The following ZBTB45 variants were observed in gnomAD, a reference collection of about 807,000 sequenced individuals.
ZBTB45 encodes zinc finger and BTB domain-containing protein 45.
In ZBTB45, 22 loss-of-function variants were observed where a neutral mutation model predicts 28.4. That is an observed-to-expected ratio of 0.77 (90% CI 0.55 to 1.10). The LOEUF is 1.10. Among genes scored for constraint, ZBTB45 ranks in the 50% least tolerant of loss-of-function variants. The probability of loss-of-function intolerance (pLI) is 0.00; values close to 1 mark genes in which losing one functional copy is unlikely to be tolerated. For synonymous variants in ZBTB45, 361 were observed against 332.3 expected (o/e 1.09, Z -0.94); for missense variants, 656 against 750.2 (o/e 0.87, Z 1.47).
intron 1 of ZBTB45, among the ~76,000 whole-genome samples, chr19:58,535,130 C>T (rs1239757115): frequency 2.6e-5 from 4 of 151,856 alleles, no homozygotes; most frequent in African/African-American, 9.7e-5. Flanking sequence ...CTTGGCCTCC[C>T]AAAGTGTTGG....
At chr19:58,524,633 C>T (rs12972400), upstream of ZBTB45, among the ~76,000 whole-genome samples, 4,997 of 151,992 alleles carry the variant, frequency 0.033, 114 homozygotes, top group Non-Finnish European at 0.051. Flanking sequence ...CCTGTAATCC[C>T]AGCACTTTGG....
chr19:58,521,432 T>C (rs1469127726), upstream of ZBTB45, among the ~76,000 whole-genome samples: 2 of 150,736 alleles, frequency 1.3e-5, no homozygotes, highest in East Asian at 3.9e-4. Context: ...TGCGTGGAGC[T>C]AGATTCCGCC....
Position 58,516,357 on chromosome 19 carries a change from T to G in ZBTB45, c.1279+38A>C. 1.9e-6 allele frequency: 3 copies of G among 1,610,066 alleles called. No homozygotes were observed. The highest frequency in any genetic ancestry group is 1.7e-6 in the Non-Finnish European group (2 of 1,176,770). On this transcript the variant is annotated intron_variant, in intron 2 of 2. Coordinates refer to ENST00000594051, the MANE Select transcript of ZBTB45 (RefSeq NM_001316979.2). The surrounding 1 kb of genome is among the most constrained non-coding windows in gnomAD (Gnocchi z 6.2). ...TTCCCCCTCAGGTTTAACTCTCCGATGAGAGATTGCTCCCTCTCCTCCCCC... is the reference window on the plus strand; with the variant it reads ...TTCCCCCTCAGGTTTAACTCTCCGAGGAGAGATTGCTCCCTCTCCTCCCCC...
In ZBTB45 at chr19:58,516,664, C is replaced by G. The variant is rs750821878; in HGVS notation, c.1010G>C (p.Gly337Ala). 6.4e-7 allele frequency: 1 copy of G among 1,564,942 alleles called. No individual in the cohort carries two copies. The highest frequency in any genetic ancestry group is 8.7e-7 in the Non-Finnish European group (1 of 1,154,624). ...GGGTGGTGCGGGTGGCCCAGGGGCA[C>G]CCAAGTGAAAGGGGAAGAGTGCAAC... ...PPVALFPFHL[G>A]APGPPAPPPS... Residue 337 changes from glycine to alanine, a missense_variant, in exon 2 of 3, where the codon GGT becomes GCT. This residue lies in a region of ZBTB45 where 448 missense variants were observed against 444.3 expected (regional missense o/e 1.01). Transcript: ENST00000594051. This position sits in a 1 kb window ranked among gnomAD's most constrained non-coding sequence, Gnocchi z 6.2.
At chr19:58,521,382 A>G (rs1401942801), upstream of ZBTB45, among the ~76,000 whole-genome samples, 3 of 128,360 alleles carry the variant, frequency 2.3e-5, no homozygotes, top group Non-Finnish European at 4.9e-5. Context: ...AAAAAAAAAA[A>G]AAGAAAGAAA....
intron 1 of ZBTB45, among the ~76,000 whole-genome samples, chr19:58,525,217 C>G (rs2053601501): frequency 6.6e-6 from 1 of 152,180 alleles, no homozygotes; most frequent in Non-Finnish European, 1.5e-5. Context: ...CAGTCATACT[C>G]AAGTCCTTGT....
At chr19:58,525,034 G>T (rs531118254) in intron 1 of ZBTB45, among the ~76,000 whole-genome samples, 59 of 152,310 alleles carry the variant, frequency 3.9e-4, no homozygotes, top group African/African-American at 1.3e-3. Flanking sequence ...GGCCTCCTCA[G>T]CTGGCTAAGG....
upstream of ZBTB45, among the ~76,000 whole-genome samples, chr19:58,522,015 G>A (rs991362446): frequency 6.6e-6 from 1 of 151,958 alleles, no homozygotes; most frequent in Non-Finnish European, 1.5e-5. Context: ...GTACCAGGTG[G>A]GAAACCTCAT....
rs560957575 is a variant in ZBTB45 at position 58,517,488 on chromosome 19, C to T, written c.186G>A (p.Leu62=). The change falls in exon 2 of 3, where the codon CTG becomes CTA. Residue 62 remains leucine (L), a synonymous_variant. Coordinates refer to ENST00000594051, the MANE Select transcript of ZBTB45 (RefSeq NM_001316979.2). ...CACGGATCTCAGAGTGGCCGAGCAGCAGCTTGTCTTGGAAGAAGGGTGAGC... is the reference window on the plus strand; with the variant it reads ...CACGGATCTCAGAGTGGCCGAGCAGTAGCTTGTCTTGGAAGAAGGGTGAGC... The part of the protein sequence containing the change: ...AAGSPFFQDK[L]LLGHSEIRVP... The T allele has an allele frequency of 3.6e-5, 58 of 1,613,326 alleles. No individual in the cohort carries two copies. In the South Asian group the frequency reaches 4.5e-4, roughly 13 times the overall value.
upstream of ZBTB45, among the ~76,000 whole-genome samples, chr19:58,521,051 C>CAAAAAAAAAAA (rs71190053): frequency 5.8e-4 from 16 of 27,822 alleles, 1 homozygote; most frequent in African/African-American, 3.1e-3. Flanking sequence ...GACTCCGTCT[C>CAAAAAAAAAAA]AAAAAAAAAA....
Position 58,518,290 on chromosome 19 carries a change from C to G in ZBTB45, c.1-617G>C, listed in dbSNP as rs181478430. ...ACCTTAACTAGTATATACAGAGGCT[C>G]TCGCAGGAGTGGGGTGGCATGACCT... is the stretch of plus-strand genomic sequence containing the variant. On this transcript the variant is annotated intron_variant, in intron 1 of 2. Coordinates refer to ENST00000594051, the MANE Select transcript of ZBTB45 (RefSeq NM_001316979.2). Among the ~76,000 whole-genome samples the G allele has an allele frequency of 6.7e-3, 1,024 of 152,326 alleles. 54 individuals carry two copies. The highest frequency in any genetic ancestry group is 0.058 in the Admixed American group (884 of 15,306).
intron 1 of ZBTB45, among the ~76,000 whole-genome samples, chr19:58,535,701 A>G (rs1735726504): frequency 6.6e-6 from 1 of 152,192 alleles, no homozygotes; most frequent in South Asian, 2.1e-4. Flanking sequence ...AAACAAACAA[A>G]CAAAATTTTT....
intron 1 of ZBTB45, among the ~76,000 whole-genome samples, chr19:58,534,247 C>G (rs2053648946): frequency 6.6e-6 from 1 of 152,086 alleles, no homozygotes; most frequent in Admixed American, 6.5e-5. Flanking sequence ...TTAATGGTTA[C>G]AGGGATTCCT....
chr19:58,522,139 A>G (rs889355307), upstream of ZBTB45, among the ~76,000 whole-genome samples: 1 of 148,440 alleles, frequency 6.7e-6, no homozygotes, highest in East Asian at 2.0e-4. Context: ...CCTGGACAAC[A>G]TGGTGAAACC....
Position 58,517,122 on chromosome 19 carries a change from G to A in ZBTB45, c.552C>T (p.Pro184=). ...RQPARLQLPA[P]PTPAKAEGPD... is the part of the protein sequence containing the mutation. ...GCCCCTCAGCCTTGGCAGGTGTTGG[G>A]GGCGCTGGCAGCTGCAAACGCGCGG... The change falls in exon 2 of 3, where the codon CCC becomes CCT. Residue 184 remains proline (P), a synonymous_variant. Transcript: ENST00000594051. The A allele has an allele frequency of 1.2e-6, 2 of 1,612,834 alleles. No individual in the cohort carries two copies. Among genetic ancestry groups the A allele is most frequent in the Middle Eastern group, 1.7e-4 (1 of 6,054 alleles).
At chr19:58,519,095 C>T (rs2053552844) in intron 1 of ZBTB45, 1 of 152,826 alleles carries the variant, frequency 6.5e-6, no homozygotes, top group South Asian at 2.1e-4. Context: ...GCCTCCCCTT[C>T]TGTTCCCCAC....
At chr19:58,532,672 G>C (rs1017011951) in intron 1 of ZBTB45, among the ~76,000 whole-genome samples, 1 of 151,770 alleles carries the variant, frequency 6.6e-6, no homozygotes, top group South Asian at 2.1e-4. Flanking sequence ...TCAGCCTCCC[G>C]AGTAGTTGGG....
chr19:58,517,544 G>A lies in ZBTB45; in HGVS notation c.130C>T (p.Leu44=), dbSNP rs754715522. 1.2e-6 allele frequency: 2 copies of A among 1,613,674 alleles called. No homozygotes were observed. The highest frequency in any genetic ancestry group is 1.7e-6 in the Non-Finnish European group (2 of 1,179,986). Residue 44 remains leucine, a synonymous_variant, in exon 2 of 3, where the codon CTG becomes TTG. Transcript: ENST00000594051. The part of the protein sequence containing the change: ...DVTVRIREAS[L]RAHRCVLAAG... ...GCCAGCACGCAGCGGTGGGCACGCA[G>A]CGAAGCTTCACGAATGCGCACAGTC... is the stretch of plus-strand genomic sequence containing the variant.
intron 1 of ZBTB45, among the ~76,000 whole-genome samples, chr19:58,536,801 C>T (rs972640649): frequency 2.0e-5 from 3 of 152,180 alleles, no homozygotes; most frequent in East Asian, 1.9e-4. Context: ...TTCAGGTAGG[C>T]GCACAACCAG....
Sources: gnomAD v4.1 joint callset for allele counts (sites outside exome capture counted in the v4.1 genomes callset) on GRCh38, gnomAD v4.1.1 for gene constraint, gnomAD v4.1.1 regional missense constraint, Gnocchi (gnomAD v3.1) non-coding constraint, MANE v1.5 for transcripts, NCBI Gene and HGNC (gene_info 2026-07-23, HGNC 2026-07-21) for gene names.